Variants in ZGRF1 observed in about 807,000 individuals in gnomAD.
ZGRF1 encodes 5'-3' DNA helicase ZGRF1.
A neutral mutation model predicts 203.5 loss-of-function variants in ZGRF1; 196 were observed. The observed-to-expected ratio is 0.96, with a 90% CI of 0.86 to 1.08. ZGRF1 has a LOEUF of 1.08. Among genes scored for constraint, ZGRF1 ranks in the 50% least tolerant of loss-of-function variants. ZGRF1 has a pLI of 0.00. For missense variants in ZGRF1, 2,326 were observed against 2,416.3 expected, an observed-to-expected ratio of 0.96 and a Z score of 0.78; for synonymous variants, 809 against 841.3, an observed-to-expected ratio of 0.96 and a Z score of 0.66.
At chr4:112,558,560 A>G (rs1741382814) in intron 19 of ZGRF1, among the ~76,000 whole-genome samples, 1 of 152,038 alleles carries the variant, frequency 6.6e-6, no homozygotes, top group African/African-American at 2.4e-5. Flanking sequence ...TAGAGCCACC[A>G]TATTGGCAGG....
intron 20 of ZGRF1, among the ~76,000 whole-genome samples, chr4:112,556,940 T>G (rs1346033974): frequency 6.6e-6 from 1 of 152,226 alleles, no homozygotes; most frequent in East Asian, 1.9e-4. Flanking sequence ...TCATTAAACA[T>G]CAGAACACTG....
intron 10 of ZGRF1, among the ~76,000 whole-genome samples, chr4:112,592,293 T>C (rs1748317468): frequency 1.3e-5 from 2 of 152,162 alleles, no homozygotes; most frequent in South Asian, 4.1e-4. Flanking sequence ...AGACGGGGTT[T>C]CACCATGTTG....
intron 20 of ZGRF1, among the ~76,000 whole-genome samples, chr4:112,556,722 T>C (rs1741004571): frequency 6.6e-6 from 1 of 152,190 alleles, no homozygotes; most frequent in Non-Finnish European, 1.5e-5. Flanking sequence ...CAACACATAC[T>C]ACTGAATCTC....
intron 3 of ZGRF1, among the ~76,000 whole-genome samples, chr4:112,624,752 C>T (rs894883881): frequency 6.6e-6 from 1 of 152,038 alleles, no homozygotes; most frequent in African/African-American, 2.4e-5. Flanking sequence ...TTCCACTAGC[C>T]CTTTTAATAT....
At chr4:112,629,939 A>G in intron 3 of ZGRF1, 1 of 334,380 alleles carries the variant, frequency 3.0e-6, no homozygotes, top group South Asian at 2.2e-5. Context: ...TAATCACTTG[A>G]ACCTTGGATG....
At chr4:112,557,373 C>T (rs1188520375) in intron 20 of ZGRF1, among the ~76,000 whole-genome samples, 1 of 152,070 alleles carries the variant, frequency 6.6e-6, no homozygotes, top group Non-Finnish European at 1.5e-5. Flanking sequence ...CGGGGTTTCA[C>T]CATGTTGGCC....
intron 4 of ZGRF1, among the ~76,000 whole-genome samples, chr4:112,622,666 G>A (rs931231531): frequency 1.3e-4 from 20 of 152,086 alleles, no homozygotes; most frequent in African/African-American, 4.8e-4. Flanking sequence ...AGAGAGTTTA[G>A]GTGGGCCAGG....
chr4:112,632,359 A>G (rs1473010723), intron 2 of ZGRF1, among the ~76,000 whole-genome samples: 1 of 152,134 alleles, frequency 6.6e-6, no homozygotes, highest in East Asian at 1.9e-4. Flanking sequence ...CCTAGTCATC[A>G]ATTGGAAGGG....
chr4:112,605,987 G>T, intron 9 of ZGRF1, 21 bp downstream of exon 9: 1 of 1,426,070 alleles, frequency 7.0e-7, no homozygotes, highest in Non-Finnish European at 9.8e-7. Flanking sequence ...TAAATAAATC[G>T]ATGTTCTTCA....
chr4:112,584,234 T>C, intron 14 of ZGRF1, 60 bp from the exon 15 acceptor site: 1 of 1,226,024 alleles, frequency 8.2e-7, no homozygotes, highest in East Asian at 2.6e-5. Context: ...TTTTCGATTA[T>C]TTTTGTGTTT....
chr4:112,605,164 C>G (rs6819183), intron 9 of ZGRF1, among the ~76,000 whole-genome samples: 5,622 of 150,620 alleles, frequency 0.037, 196 homozygotes, highest in East Asian at 0.19. Context: ...TTACCTCCCC[C>G]ACTTTTTTTT....
At chr4:112,564,980 T>G in intron 16 of ZGRF1, 1 of 862,750 alleles carries the variant, frequency 1.2e-6, no homozygotes. Context: ...TAAGGAGGTC[T>G]CTGTACCATG....
chr4:112,552,561 A>G (rs1166123642), intron 22 of ZGRF1, among the ~76,000 whole-genome samples: 1 of 152,212 alleles, frequency 6.6e-6, no homozygotes, highest in Non-Finnish European at 1.5e-5. Flanking sequence ...ATTTGTATTA[A>G]TTGAACACAG....
At chr4:112,589,401 G>A (rs546390099) in intron 11 of ZGRF1, among the ~76,000 whole-genome samples, 1 of 152,266 alleles carries the variant, frequency 6.6e-6, no homozygotes, top group East Asian at 1.9e-4. Flanking sequence ...TCATTCCTCT[G>A]GAACAGGAAA....
chr4:112,623,440 A>C (rs996337227), intron 4 of ZGRF1, among the ~76,000 whole-genome samples: 1 of 152,180 alleles, frequency 6.6e-6, no homozygotes, highest in Non-Finnish European at 1.5e-5. Flanking sequence ...TTAAATGAGA[A>C]TATGTCACAA....
intron 10 of ZGRF1, among the ~76,000 whole-genome samples, 153 bp downstream of exon 10, chr4:112,603,371 T>G (rs1750261032): frequency 6.6e-6 from 1 of 152,222 alleles, no homozygotes; most frequent in Non-Finnish European, 1.5e-5. Flanking sequence ...TAAAATACTT[T>G]TGTTATTTAG....
chr4:112,572,851 A>C (rs1454332340), intron 16 of ZGRF1, among the ~76,000 whole-genome samples: 1 of 152,162 alleles, frequency 6.6e-6, no homozygotes, highest in Non-Finnish European at 1.5e-5. Context: ...ACCACAAGGC[A>C]ATACTGCCTT....
At chr4:112,625,678 C>A (rs1456097458) in intron 3 of ZGRF1, among the ~76,000 whole-genome samples, 5 of 151,158 alleles carry the variant, frequency 3.3e-5, no homozygotes. Context: ...GGGCAGATCA[C>A]CTGAGGTCAG....
chr4:112,543,663 A>C (rs1738152297), intron 24 of ZGRF1, among the ~76,000 whole-genome samples: 2 of 152,248 alleles, frequency 1.3e-5, no homozygotes, highest in South Asian at 4.1e-4. Context: ...ATTTGCTTAC[A>C]GGCATAAAAT....
Sources: gnomAD v4.1 joint callset for allele counts (sites outside exome capture counted in the v4.1 genomes callset) on GRCh38, gnomAD v4.1.1 for gene constraint, MANE v1.5 for transcripts, NCBI Gene and HGNC (gene_info 2026-07-23, HGNC 2026-07-21) for gene names.